Variants in BLTP2 observed in about 807,000 individuals in gnomAD.
BLTP2 encodes U937-associated antigen.
the BLTP2 span, chr17:28,634,400 C>T: frequency 1.2e-6 from 1 of 857,912 alleles, no homozygotes; most frequent in Non-Finnish European, 1.8e-6. Context: ...CCATCCCACT[C>T]CACCCACCCA....
chr17:28,640,728 C>T, the BLTP2 span: 2 of 1,593,422 alleles, frequency 1.3e-6, no homozygotes, highest in Admixed American at 1.7e-5. Context: ...ATTCTTAACA[C>T]TCCCAGTTCT....
chr17:28,628,506 T>C, the BLTP2 span: 3 of 1,614,192 alleles, frequency 1.9e-6, no homozygotes, highest in East Asian at 4.5e-5. Context: ...GTAAATCTAC[T>C]AAGTGCAGCT....
At chr17:28,631,456 AAAG>A in the BLTP2 span, 1 of 1,604,706 alleles carries the variant, frequency 6.2e-7, no homozygotes, top group Non-Finnish European at 8.5e-7. Context: ...ATAAGGTAAT[AAAG>A]AAAGTGTGTC....
the BLTP2 span, chr17:28,620,735 A>G: frequency 3.0e-6 from 4 of 1,317,124 alleles, no homozygotes; most frequent in Non-Finnish European, 3.2e-6. Context: ...AACCCCACAG[A>G]AAGGGTGAGA....
At chr17:28,638,442 G>A in the BLTP2 span, 4 of 1,609,418 alleles carry the variant, frequency 2.5e-6, no homozygotes, top group East Asian at 4.5e-5. Flanking sequence ...AAGAGGGATT[G>A]CATGGAGCCA....
chr17:28,628,499 A>C, the BLTP2 span: 1 of 1,614,182 alleles, frequency 6.2e-7, no homozygotes, highest in Non-Finnish European at 8.5e-7. Flanking sequence ...GAAATCCGTA[A>C]ATCTACTAAG....
the BLTP2 span, chr17:28,621,544 G>T: frequency 7.1e-7 from 1 of 1,408,312 alleles, no homozygotes. Context: ...GAAAAGAGTG[G>T]CTTGTCCTGG....
chr17:28,621,255 C>G, the BLTP2 span: 2 of 1,491,024 alleles, frequency 1.3e-6, no homozygotes, highest in Non-Finnish European at 1.9e-6. Flanking sequence ...TCAGAAACTC[C>G]AGAAACACTG....
the BLTP2 span, chr17:28,621,384 A>G: frequency 6.2e-7 from 1 of 1,603,454 alleles, no homozygotes; most frequent in Non-Finnish European, 8.5e-7. Context: ...GATGCAGAGG[A>G]GGGGGAGGGC....
the BLTP2 span, among the ~76,000 whole-genome samples, chr17:28,626,160 C>G: frequency 6.6e-6 from 1 of 152,274 alleles, no homozygotes; most frequent in South Asian, 2.1e-4. Context: ...CACACTACTC[C>G]CAGATCTGTC....
the BLTP2 span, chr17:28,637,039 G>A: frequency 6.2e-7 from 1 of 1,614,158 alleles, no homozygotes. Context: ...GGGATGTCAG[G>A]GGCCTTGCAA....
At chr17:28,623,246 A>G in the BLTP2 span, among the ~76,000 whole-genome samples, 2 of 152,212 alleles carry the variant, frequency 1.3e-5, no homozygotes, top group Non-Finnish European at 2.9e-5. Context: ...GTGAAGTATC[A>G]ATTCCATTTC....
chr17:28,623,989 G>A, the BLTP2 span: 1 of 1,607,706 alleles, frequency 6.2e-7, no homozygotes. Flanking sequence ...TAGAAGCAGA[G>A]TTAAGCTACC....
chr17:28,631,059 ATG>A, the BLTP2 span, among the ~76,000 whole-genome samples: 3 of 152,210 alleles, frequency 2.0e-5, no homozygotes, highest in East Asian at 5.8e-4. Flanking sequence ...ACCTACTCCT[ATG>A]GACTTTACTG....
At chr17:28,644,035 A>T in the BLTP2 span, 6 of 1,613,476 alleles carry the variant, frequency 3.7e-6, no homozygotes, top group Non-Finnish European at 5.1e-6. Flanking sequence ...CTACACACAT[A>T]TCCAGAGTTT....
At chr17:28,615,834 G>C in the BLTP2 span, 4 of 1,611,042 alleles carry the variant, frequency 2.5e-6, no homozygotes, top group African/African-American at 4.0e-5. Context: ...AAAAAAAGAG[G>C]GGTGGGGAAT....
the BLTP2 span, chr17:28,623,774 G>A: frequency 6.2e-7 from 1 of 1,614,062 alleles, no homozygotes; most frequent in Non-Finnish European, 8.5e-7. Flanking sequence ...AACCAGAGCT[G>A]TCGGCCATCC....
the BLTP2 span, chr17:28,616,336 C>A: frequency 6.2e-7 from 1 of 1,613,888 alleles, no homozygotes; most frequent in Non-Finnish European, 8.5e-7. The surrounding 1 kb of genome is among the most constrained non-coding windows in gnomAD (Gnocchi z 4.8). Context: ...AACAGGACCT[C>A]AAGACTCTCC....
At chr17:28,637,776 A>T in the BLTP2 span, 1 of 1,545,410 alleles carries the variant, frequency 6.5e-7, no homozygotes, top group South Asian at 1.2e-5. Context: ...GGTTGAAGTG[A>T]TTCTCCTGCC....
Sources: allele counts gnomAD v4.1 joint callset (sites outside exome capture counted in the v4.1 genomes callset), GRCh38; gene constraint gnomAD v4.1.1; non-coding constraint Gnocchi (gnomAD v3.1); transcripts MANE v1.5; gene names NCBI Gene and HGNC (gene_info 2026-07-23, HGNC 2026-07-21).